Variants in PALLD observed in about 807,000 individuals in gnomAD.
PALLD encodes the protein palladin.
Under a neutral mutation model 123.5 loss-of-function variants are expected in PALLD, and 61 were observed. The ratio of observed to expected loss-of-function variants is 0.49; its 90% CI spans 0.40 to 0.61. PALLD has a LOEUF of 0.61. PALLD is among the 20% of genes least tolerant of loss of function. The pLI is 0.00. For synonymous variants in PALLD, 465 were observed against 496.4 expected, an observed-to-expected ratio of 0.94 and a Z score of 0.84; for missense variants, 1,273 against 1,377.0, an observed-to-expected ratio of 0.92 and a Z score of 1.20.
At chr4:168,600,360 C>A (rs1772516171) in intron 2 of PALLD, among the ~76,000 whole-genome samples, 1 of 152,074 alleles carries the variant, frequency 6.6e-6, no homozygotes, top group Non-Finnish European at 1.5e-5. Flanking sequence ...TTACTCTATT[C>A]CTCTCCCCCT....
chr4:168,914,374 T>G (rs1164183833), intron 16 of PALLD, among the ~76,000 whole-genome samples: 1 of 152,246 alleles, frequency 6.6e-6, no homozygotes, highest in Non-Finnish European at 1.5e-5. Context: ...AACCAACAGC[T>G]GTGTGAGTGG....
intron 10 of PALLD, among the ~76,000 whole-genome samples, chr4:168,727,484 C>T (rs1786709732): frequency 6.6e-6 from 1 of 152,036 alleles, no homozygotes; most frequent in African/African-American, 2.4e-5. Flanking sequence ...AGCATTTTTT[C>T]ATATGTTTGT....
intron 10 of PALLD, among the ~76,000 whole-genome samples, chr4:168,757,022 C>T (rs1263959858): frequency 6.6e-6 from 1 of 152,084 alleles, no homozygotes; most frequent in Non-Finnish European, 1.5e-5. Context: ...TACAGAGTGT[C>T]CAAAACAAAT....
At chr4:168,774,727 C>CAAAAAAAAAAAAAAAA (rs56364164) in intron 10 of PALLD, among the ~76,000 whole-genome samples, 1 of 73,212 alleles carries the variant, frequency 1.4e-5, no homozygotes, top group African/African-American at 5.1e-5. Context: ...GACTGCATCT[C>CAAAAAAAAAAAAAAAA]AAAAAAAAAA....
At chr4:168,914,759 T>C (rs1344169685) in intron 16 of PALLD, among the ~76,000 whole-genome samples, 1 of 152,228 alleles carries the variant, frequency 6.6e-6, no homozygotes, top group African/African-American at 2.4e-5. Context: ...AGGCCATAGG[T>C]GCAAACTCCT....
chr4:168,909,161 T>C (rs910809927), intron 15 of PALLD, among the ~76,000 whole-genome samples: 1 of 152,216 alleles, frequency 6.6e-6, no homozygotes, highest in African/African-American at 2.4e-5. Context: ...ATCCTATCTT[T>C]AAGAACAACG....
intron 2 of PALLD, among the ~76,000 whole-genome samples, chr4:168,604,445 A>G (rs566260814): frequency 6.6e-6 from 1 of 152,328 alleles, no homozygotes; most frequent in South Asian, 2.1e-4. Context: ...CAGTTTAACA[A>G]TCGGCCAAAC....
At chr4:168,757,282 C>T (rs1017759138) in intron 10 of PALLD, among the ~76,000 whole-genome samples, 1 of 152,178 alleles carries the variant, frequency 6.6e-6, no homozygotes, top group Non-Finnish European at 1.5e-5. Flanking sequence ...TAGATAACTT[C>T]TAAATCCCAA....
intron 10 of PALLD, among the ~76,000 whole-genome samples, chr4:168,811,822 G>T (rs1741206599): frequency 6.7e-6 from 1 of 150,178 alleles, no homozygotes; most frequent in African/African-American, 2.5e-5. Flanking sequence ...TTATTGAATT[G>T]AGAGAAACAG....
At chr4:168,710,114 C>G (rs903395708) in intron 9 of PALLD, among the ~76,000 whole-genome samples, 1 of 152,066 alleles carries the variant, frequency 6.6e-6, no homozygotes, top group Admixed American at 6.6e-5. Context: ...TAAAGGCCTT[C>G]AAACTCAAAT....
chr4:168,829,683 C>T (rs893364214), intron 10 of PALLD, among the ~76,000 whole-genome samples: 5 of 152,118 alleles, frequency 3.3e-5, no homozygotes, highest in Admixed American at 6.5e-5. Flanking sequence ...CTGCAGGCCA[C>T]GTGATGTCAT....
In PALLD at chr4:168,573,935, G is replaced by A. The variant is rs932976647; in HGVS notation, c.908+61523G>A. On this transcript the variant is annotated intron_variant, in intron 2 of 21. Coordinates refer to ENST00000505667, the MANE Select transcript of PALLD (RefSeq NM_001166108.2). ...TTAAAGAGAAAACAACTTCTGGGAAGCAGCTTTTTTTTTTTTGCAAGGTTT... is the reference window on the plus strand; with the variant it reads ...TTAAAGAGAAAACAACTTCTGGGAAACAGCTTTTTTTTTTTTGCAAGGTTT... Among the ~76,000 whole-genome samples the A allele has an allele frequency of 1.4e-4, 21 of 151,568 alleles. No individual in the cohort carries two copies. In the East Asian group the frequency reaches 4.1e-3, roughly 29 times the overall value.
chr4:168,654,124 C>T (rs1328166458), intron 2 of PALLD, among the ~76,000 whole-genome samples: 1 of 152,122 alleles, frequency 6.6e-6, no homozygotes, highest in Non-Finnish European at 1.5e-5. Context: ...TAATTTTAAA[C>T]ACAAAAATAC....
chr4:168,675,012 G>A (rs528310129), intron 3 of PALLD, among the ~76,000 whole-genome samples: 1 of 152,356 alleles, frequency 6.6e-6, no homozygotes, highest in South Asian at 2.1e-4. Context: ...CTAGCTGGCA[G>A]AGAGAGCTTC....
At chr4:168,824,209 A>G (rs1026438279) in intron 10 of PALLD, among the ~76,000 whole-genome samples, 1 of 152,108 alleles carries the variant, frequency 6.6e-6, no homozygotes, top group African/African-American at 2.4e-5. Flanking sequence ...TTTTCTTTTC[A>G]CTTGCATTGA....
In PALLD at chr4:168,711,841, A is replaced by G. The variant is rs534111510; in HGVS notation, c.1882A>G (p.Asn628Asp). The G allele has an allele frequency of 2.5e-5, 40 of 1,614,182 alleles. No homozygotes were observed. The South Asian group carries it at 4.0e-4, about 16-fold the overall frequency. The change falls in exon 10 of 22, where the codon AAC (asparagine) becomes GAC (aspartate). Residue 628 changes from asparagine (N) to aspartate (D), a missense_variant. Around this residue, in one of 2 missense-constraint regions of PALLD, gnomAD observed 944 missense variants for 954.5 expected, o/e 0.99. Transcript: ENST00000505667. ...GVNGLINGKA[N>D]SNKSLPTPAV... ...AAATGGACTGATTAACGGCAAAGCT[A>G]ACAGTAATAAATCTCTTCCAACACC...
At chr4:168,525,246 C>T (rs1013706336) in intron 2 of PALLD, among the ~76,000 whole-genome samples, 14 of 152,154 alleles carry the variant, frequency 9.2e-5, no homozygotes, top group African/African-American at 3.4e-4. Context: ...TTGCAAAATA[C>T]AATTCTGCAA....
intron 17 of PALLD, among the ~76,000 whole-genome samples, chr4:168,917,943 G>A (rs997075484): frequency 6.6e-6 from 1 of 152,142 alleles, no homozygotes; most frequent in Non-Finnish European, 1.5e-5. Flanking sequence ...GCACACGCCT[G>A]TAATCCCAGC....
intron 11 of PALLD, among the ~76,000 whole-genome samples, 153 bp downstream of exon 11, chr4:168,891,210 T>C: frequency 6.6e-6 from 1 of 152,202 alleles, no homozygotes; most frequent in Non-Finnish European, 1.5e-5. Flanking sequence ...TCACCCATGC[T>C]GGAGTGCAAT....
Sources: allele counts gnomAD v4.1 joint callset (sites outside exome capture counted in the v4.1 genomes callset), GRCh38; gene constraint gnomAD v4.1.1; regional missense constraint gnomAD v4.1.1; transcripts MANE v1.5; gene names NCBI Gene and HGNC (gene_info 2026-07-23, HGNC 2026-07-21).